UBAP2: variants seen among roughly 807,000 people sequenced by gnomAD.
The protein encoded by UBAP2 is ubiquitin-associated protein 2.
A neutral mutation model predicts 139.6 loss-of-function variants in UBAP2; 75 were observed. The ratio of observed to expected loss-of-function variants is 0.54; its 90% CI spans 0.45 to 0.65. The LOEUF is 0.65. UBAP2 is among the 30% of genes least tolerant of loss of function. UBAP2 has a pLI of 0.00. For missense variants in UBAP2, 1,368 were observed against 1,369.6 expected (o/e 1.00, Z 0.02); for synonymous variants, 526 against 526.2 (o/e 1.00, Z 0.01).
At chr9:34,010,729 G>GT (rs1404738562) in intron 2 of UBAP2, among the ~76,000 whole-genome samples, 3 of 152,068 alleles carry the variant, frequency 2.0e-5, no homozygotes, top group African/African-American at 7.2e-5. Flanking sequence ...GCGGCTTGGG[G>GT]TGGTAGATGT....
chr9:33,924,367 C>G, intron 22 of UBAP2, 83 bp from the exon 23 acceptor site: 1 of 1,332,526 alleles, frequency 7.5e-7, no homozygotes, highest in Non-Finnish European at 1.1e-6. Flanking sequence ...GAAGTGGTGA[C>G]GCCACACTCC....
chr9:33,944,769 C>G, intron 13 of UBAP2, 130 bp from the exon 14 acceptor site: 46 of 997,656 alleles, frequency 4.6e-5, no homozygotes, highest in Non-Finnish European at 6.7e-5. Flanking sequence ...TTTACACACA[C>G]TATGTGTAAC....
chr9:33,953,179 T>C (rs1437631692), intron 12 of UBAP2, 106 bp downstream of exon 12: 3 of 1,142,248 alleles, frequency 2.6e-6, no homozygotes, highest in Admixed American at 5.7e-5. Context: ...TTACTGTAGA[T>C]ATTTTTATAT....
chr9:34,008,483 C>A (rs2131238177), intron 2 of UBAP2, among the ~76,000 whole-genome samples: 1 of 152,088 alleles, frequency 6.6e-6, no homozygotes, highest in South Asian at 2.1e-4. Flanking sequence ...GTAGCTCAGG[C>A]CTGTAATCTC....
intron 1 of UBAP2, among the ~76,000 whole-genome samples, chr9:34,029,775 A>G (rs1334219522): frequency 6.8e-6 from 1 of 146,252 alleles, no homozygotes; most frequent in Non-Finnish European, 1.5e-5. Context: ...GGATCATGAG[A>G]TCAGGAGTTC....
chr9:33,944,290 A>G, intron 14 of UBAP2, 75 bp downstream of exon 14: 1 of 1,564,316 alleles, frequency 6.4e-7, no homozygotes, highest in Non-Finnish European at 8.7e-7. Context: ...AGTTTCCAAA[A>G]CTTAGTATCC....
At position 33,944,479 on chromosome 9, in the gene UBAP2, C is replaced by T. The variant is rs772547548; in HGVS notation, c.1431G>A (p.Val477=). ...ESTPGDSPST[V]NKLLQLPSTT... The stretch of plus-strand genomic sequence containing the variant: ...TGCTGGGAAGCTGCAAAAGCTTGTT[C>T]ACAGTGGAGGGACTGTCTCCAGGTG... Residue 477 remains valine (V), a synonymous_variant, in exon 14 of 29, where the codon GTG becomes GTA. Transcript: ENST00000379238. 5.0e-6 allele frequency: 8 copies of T among 1,613,952 alleles called. No homozygotes were observed. The East Asian group carries it at 1.8e-4, about 36-fold the overall frequency.
Position 33,953,357 on chromosome 9 carries a change from C to G in UBAP2, c.984G>C (p.Ser328=). 6.2e-7 allele frequency: 1 copy of G among 1,614,094 alleles called. No individual in the cohort carries two copies. The change falls in exon 12 of 29, where the codon TCG becomes TCC. Residue 328 remains serine (S), a synonymous_variant. Transcript: ENST00000379238. ...CTGGTGCCATCTGATTGTTGTGTTG[C>G]GAATTTGTGAAGACAAGGGCTTGGC... is the stretch of plus-strand genomic sequence containing the variant. ...GFGQALVFTN[S]QHNNQMAPGT...
At chr9:33,981,407 G>A (rs1457462585) in intron 6 of UBAP2, among the ~76,000 whole-genome samples, 1 of 150,616 alleles carries the variant, frequency 6.6e-6, no homozygotes, top group Non-Finnish European at 1.5e-5. Context: ...GAAGGCTGGA[G>A]TGTAGTGGCA....
intron 21 of UBAP2, 113 bp from the exon 22 acceptor site, chr9:33,926,777 G>T: frequency 8.5e-7 from 1 of 1,170,050 alleles, no homozygotes; most frequent in Non-Finnish European, 1.3e-6. Context: ...CCGGGAATGG[G>T]ATCTGGATTA....
chr9:33,978,572 A>T (rs1000536260), intron 6 of UBAP2, among the ~76,000 whole-genome samples: 13 of 152,144 alleles, frequency 8.5e-5, no homozygotes, highest in African/African-American at 3.1e-4. Flanking sequence ...GGAGATCAGG[A>T]GATCAAGACC....
At chr9:33,987,109 T>C (rs1821284516) in intron 5 of UBAP2, among the ~76,000 whole-genome samples, 1 of 151,076 alleles carries the variant, frequency 6.6e-6, no homozygotes. Flanking sequence ...CTGGGCAACA[T>C]ACAAAAAAAT....
chr9:34,031,956 G>T (rs1005727924), intron 1 of UBAP2, among the ~76,000 whole-genome samples: 2 of 151,972 alleles, frequency 1.3e-5, no homozygotes, highest in Non-Finnish European at 2.9e-5. Flanking sequence ...GGGTAACATA[G>T]CAAGACCTCC....
intron 2 of UBAP2, among the ~76,000 whole-genome samples, chr9:34,003,409 C>T (rs1478183217): frequency 2.1e-5 from 3 of 146,194 alleles, no homozygotes; most frequent in African/African-American, 7.6e-5. Context: ...TCATGCTCTG[C>T]TGCTCAGGCT....
intron 16 of UBAP2, among the ~76,000 whole-genome samples, chr9:33,936,184 T>C (rs1468593965): frequency 1.3e-5 from 2 of 152,158 alleles, no homozygotes; most frequent in Admixed American, 1.3e-4. Context: ...GGTTTTGCCA[T>C]GTTGACCAGG....
intron 6 of UBAP2, among the ~76,000 whole-genome samples, chr9:33,974,585 AT>A (rs1186637525): frequency 2.6e-5 from 4 of 152,168 alleles, no homozygotes; most frequent in Non-Finnish European, 5.9e-5. Flanking sequence ...TTTATAAATT[AT>A]ATATCTGATC....
In UBAP2 at chr9:33,943,431, C is replaced by A. The variant is rs1368074596; in HGVS notation, c.1704G>T (p.Ser568=). 2 of 1,613,988 alleles carry A rather than the reference C, an allele frequency of 1.2e-6. No individual in the cohort carries two copies. Among genetic ancestry groups the A allele is most frequent in the Admixed American group, 1.7e-5 (1 of 59,986 alleles). The change falls in exon 15 of 29, where the codon TCG becomes TCT. Residue 568 remains serine (S), a synonymous_variant. Coordinates refer to ENST00000379238, the MANE Select transcript of UBAP2 (RefSeq NM_001370062.2). ...ACTAAATTCAGTACCTTAAAGACTT[C>A]GAATACAAGCTGATGGGAATCTGAT... ...NSNQIPISLY[S]KSLSEPLNTS...
At chr9:34,032,114 A>G (rs1468758893) in intron 1 of UBAP2, among the ~76,000 whole-genome samples, 2 of 152,088 alleles carry the variant, frequency 1.3e-5, no homozygotes, top group East Asian at 3.9e-4. Context: ...TGGGCAACAT[A>G]GCATGACCCT....
intron 17 of UBAP2, 167 bp from the exon 18 acceptor site, chr9:33,933,795 G>T: frequency 2.1e-6 from 1 of 470,054 alleles, no homozygotes; most frequent in Non-Finnish European, 2.8e-6. Flanking sequence ...ATAGCCCTTT[G>T]TCTGTCAAAC....
Sources: allele counts gnomAD v4.1 joint callset (sites outside exome capture counted in the v4.1 genomes callset), GRCh38; gene constraint gnomAD v4.1.1; transcripts MANE v1.5; gene names NCBI Gene and HGNC (gene_info 2026-07-23, HGNC 2026-07-21).